The following HK1 variants were observed in gnomAD, a reference collection of about 807,000 sequenced individuals.
HK1 encodes the protein hexokinase-1.
HK1 carries 28 observed loss-of-function variants against 91.6 expected under a neutral mutation model. The ratio of observed to expected loss-of-function variants is 0.31; its 90% CI spans 0.23 to 0.42. The LOEUF (loss-of-function observed/expected upper bound fraction) is 0.42, where lower values mean the gene tolerates loss of function less well. Among genes scored for constraint, HK1 ranks in the 10% least tolerant of loss-of-function variants. The probability of loss-of-function intolerance (pLI) is 1.00; values close to 1 mark genes in which losing one functional copy is unlikely to be tolerated. For missense variants in HK1, 770 were observed against 1,219.8 expected (o/e 0.63, Z 5.49); for synonymous variants, 430 against 468.1 (o/e 0.92, Z 1.05).
chr10:69,354,103 A>T (rs1050931099), intron 2 of HK1, among the ~76,000 whole-genome samples: 1 of 152,146 alleles, frequency 6.6e-6, no homozygotes, highest in African/African-American at 2.4e-5. Flanking sequence ...TTCACTGCAG[A>T]ATTACTTGCT....
intron 4 of HK1, among the ~76,000 whole-genome samples, chr10:69,298,938 CTTTA>C (rs535401356): frequency 6.6e-6 from 1 of 150,930 alleles, no homozygotes; most frequent in African/African-American, 2.5e-5. Flanking sequence ...ATCTTTATCT[CTTTA>C]TTTATTTATT....
At chr10:69,344,434 A>T (rs887271061) in intron 2 of HK1, among the ~76,000 whole-genome samples, 2 of 152,160 alleles carry the variant, frequency 1.3e-5, no homozygotes, top group African/African-American at 4.8e-5. Context: ...CTCTCTTCTT[A>T]TCCCAGATAA....
At chr10:69,352,665 TA>T (rs1163914163) in intron 2 of HK1, among the ~76,000 whole-genome samples, 1 of 152,146 alleles carries the variant, frequency 6.6e-6, no homozygotes, top group African/African-American at 2.4e-5. Flanking sequence ...ATGTCTGGAA[TA>T]GGGGCATCTG....
At chr10:69,356,480 TA>T (rs1262354260) in intron 2 of HK1, among the ~76,000 whole-genome samples, 1 of 151,348 alleles carries the variant, frequency 6.6e-6, no homozygotes, top group East Asian at 1.9e-4. Context: ...AAGGATACCA[TA>T]AAAAAAAGAA....
intron 7 of HK1, among the ~76,000 whole-genome samples, chr10:69,373,635 G>C (rs1229756897): frequency 6.6e-6 from 1 of 150,458 alleles, no homozygotes; most frequent in Non-Finnish European, 1.5e-5. Context: ...CTGTTGCCCA[G>C]GCTGGAGTGC....
Position 69,283,814 on chromosome 10 carries a change from A to AG in HK1, c.-215+1110_-215+1111insG, listed in dbSNP as rs1220245760. Among the ~76,000 whole-genome samples, 7 of 149,960 alleles carry AG rather than the reference A, an allele frequency of 4.7e-5. No individual in the cohort carries two copies. In the East Asian group the frequency reaches 1.4e-3, roughly 29 times the overall value. On this transcript the variant is annotated intron_variant, in intron 2 of 21. Coordinates refer to the HK1 transcript ENST00000360289. Reference sequence around the variant, plus strand: ...ACTCTGTCTCAAAAAAAAAAAAAAAAAAAGAAAAGAAAAAAAGAAAAAGAA... The same window carrying AG: ...ACTCTGTCTCAAAAAAAAAAAAAAAAGAAAGAAAAGAAAAAAAGAAAAAGAA...
chr10:69,326,134 G>A lies in HK1; in HGVS notation c.63+7124G>A, dbSNP rs556691923. Among the ~76,000 whole-genome samples, 1,013 of 148,366 alleles carry A rather than the reference G, an allele frequency of 6.8e-3. 10 individuals carry two copies. Among genetic ancestry groups the A allele is most frequent in the African/African-American group, 0.022 (887 of 40,034 alleles). On this transcript the variant is annotated intron_variant, in intron 1 of 17. Transcript: ENST00000359426. ...CAGACGTGAGCCACCGCGCCTGGCC[G>A]CTTTTTTTTTTTTTAATGGCTTTTT... is the stretch of plus-strand genomic sequence containing the variant.
intron 7 of HK1, among the ~76,000 whole-genome samples, chr10:69,372,745 T>C (rs1357485080): frequency 3.9e-5 from 6 of 152,170 alleles, no homozygotes; most frequent in African/African-American, 1.4e-4. Flanking sequence ...TAGCGGTCTT[T>C]TAAAAAAAAT....
At chr10:69,384,120 T>C (rs1213073731) in intron 10 of HK1, among the ~76,000 whole-genome samples, 1 of 152,216 alleles carries the variant, frequency 6.6e-6, no homozygotes, top group Non-Finnish European at 1.5e-5. Context: ...ACTCACATGC[T>C]CTCCTCCCAG....
chr10:69,335,048 G>A (rs895200063), intron 1 of HK1, among the ~76,000 whole-genome samples: 2 of 152,138 alleles, frequency 1.3e-5, no homozygotes, highest in African/African-American at 4.8e-5. Flanking sequence ...GGTGCTGGGG[G>A]TTAGTGGTTG....
intron 4 of HK1, among the ~76,000 whole-genome samples, 169 bp from the exon 5 acceptor site, chr10:69,368,367 C>T (rs1005846495): frequency 7.9e-5 from 12 of 152,174 alleles, no homozygotes; most frequent in Admixed American, 4.6e-4. Context: ...TGTGGATGAT[C>T]GGGAGATGGA....
At chr10:69,318,602 G>A (rs1017188005), upstream of HK1, among the ~76,000 whole-genome samples, 4 of 152,304 alleles carry the variant, frequency 2.6e-5, no homozygotes, top group East Asian at 7.7e-4. Context: ...ATGATGCGGG[G>A]TCGGGGGGGA....
intron 2 of HK1, among the ~76,000 whole-genome samples, chr10:69,345,668 CAGA>C (rs1848511686): frequency 6.6e-6 from 1 of 152,120 alleles, no homozygotes; most frequent in Non-Finnish European, 1.5e-5. Context: ...TGGCTCAGGG[CAGA>C]CACAGGGGAG....
chr10:69,362,440 T>G (rs1341618878), intron 3 of HK1, among the ~76,000 whole-genome samples: 6 of 138,934 alleles, frequency 4.3e-5, no homozygotes, highest in East Asian at 1.9e-4. Flanking sequence ...TAATGTTTTT[T>G]TTTTTTTTTT....
At chr10:69,295,558 T>C in intron 3 of HK1, 1 of 961,080 alleles carries the variant, frequency 1.0e-6, no homozygotes, top group Non-Finnish European at 1.7e-6. Flanking sequence ...TGATTAGTTA[T>C]AAGCATCAAT....
rs201639629 is a variant in HK1 at position 69,283,454 on chromosome 10, C to CAAT, written c.-215+767_-215+769dup. ...TGGGTGACTGAGTGAGACCCTGTCT[C>CAAT]AATAATAATAATAATAATATAAATA... On this transcript the variant is annotated intron_variant, in intron 2 of 21. Coordinates refer to the HK1 transcript ENST00000360289. Among the ~76,000 whole-genome samples the CAAT allele has an allele frequency of 1.6e-3, 245 of 149,204 alleles. 2 individuals are homozygous for CAAT. The highest frequency in any genetic ancestry group is 5.1e-3 in the African/African-American group (207 of 40,612).
chr10:69,300,567 T>A (rs925725267), intron 4 of HK1: 12 of 699,184 alleles, frequency 1.7e-5, no homozygotes, highest in South Asian at 1.6e-4. Flanking sequence ...TTTCTCTAGA[T>A]CTTTGAGTTG....
chr10:69,326,751 C>T (rs1847398782), intron 1 of HK1, among the ~76,000 whole-genome samples: 1 of 152,200 alleles, frequency 6.6e-6, no homozygotes, highest in South Asian at 2.1e-4. Context: ...AATTACATTA[C>T]AGACACAGTT....
chr10:69,371,323 C>G (rs941503493), intron 7 of HK1, among the ~76,000 whole-genome samples: 4 of 149,058 alleles, frequency 2.7e-5, no homozygotes, highest in African/African-American at 7.5e-5. Flanking sequence ...CATACCCCCC[C>G]CCACCCCGCC....
Sources: allele counts gnomAD v4.1 joint callset (sites outside exome capture counted in the v4.1 genomes callset), GRCh38; gene constraint gnomAD v4.1.1; transcripts MANE v1.5; gene names NCBI Gene and HGNC (gene_info 2026-07-23, HGNC 2026-07-21).